The following PDE4B variants were observed in gnomAD, a reference collection of about 807,000 sequenced individuals.
PDE4B encodes phosphodiesterase 4B.
In PDE4B, 20 loss-of-function variants were observed where a neutral mutation model predicts 82.2. The observed-to-expected ratio is 0.24, with a 90% CI of 0.17 to 0.35. The LOEUF (loss-of-function observed/expected upper bound fraction) is 0.35, where lower values mean the gene tolerates loss of function less well. Among genes scored for constraint, PDE4B ranks in the 10% least tolerant of loss-of-function variants. The probability of loss-of-function intolerance (pLI) is 1.00; values close to 1 mark genes in which losing one functional copy is unlikely to be tolerated. For synonymous variants in PDE4B, 320 were observed against 318.9 expected (o/e 1.00, Z -0.04); for missense variants, 655 against 907.2 (o/e 0.72, Z 3.57).
intron 3 of PDE4B, among the ~76,000 whole-genome samples, chr1:66,034,263 G>T (rs1570042386): frequency 6.6e-6 from 1 of 152,028 alleles, no homozygotes; most frequent in Non-Finnish European, 1.5e-5. Flanking sequence ...ATTTAATAAA[G>T]ATTTACAACT....
intron 1 of PDE4B, among the ~76,000 whole-genome samples, chr1:65,847,339 C>T (rs1646278732): frequency 6.6e-6 from 1 of 152,126 alleles, no homozygotes; most frequent in African/African-American, 2.4e-5. Flanking sequence ...AAAGGTGGAG[C>T]CAGGATATTG....
chr1:65,931,047 C>T (rs1248898865), intron 3 of PDE4B, among the ~76,000 whole-genome samples: 2 of 152,138 alleles, frequency 1.3e-5, no homozygotes, highest in Non-Finnish European at 2.9e-5. Context: ...GGCTTAGCAC[C>T]ATCCCCTCAG....
chr1:66,289,981 G>A (rs139434403), intron 7 of PDE4B, among the ~76,000 whole-genome samples: 1 of 152,144 alleles, frequency 6.6e-6, no homozygotes, highest in African/African-American at 2.4e-5. Context: ...TGAAATCCAG[G>A]CTTCTGGCTT....
intron 3 of PDE4B, among the ~76,000 whole-genome samples, chr1:66,088,344 T>C (rs1032380344): frequency 1.3e-5 from 2 of 152,018 alleles, no homozygotes; most frequent in African/African-American, 2.4e-5. Flanking sequence ...AGTATCCAAC[T>C]GGAGATGTTT....
At chr1:65,954,406 G>A (rs1649153861) in intron 3 of PDE4B, among the ~76,000 whole-genome samples, 1 of 151,960 alleles carries the variant, frequency 6.6e-6, no homozygotes, top group Non-Finnish European at 1.5e-5. Context: ...CAACCTAATT[G>A]TCATTAAAAC....
intron 1 of PDE4B, among the ~76,000 whole-genome samples, chr1:65,895,465 G>T (rs1210469419): frequency 6.7e-6 from 1 of 148,904 alleles, no homozygotes; most frequent in Non-Finnish European, 1.5e-5. Flanking sequence ...CAGGAGAATC[G>T]CTTGAACCCG....
chr1:65,885,456 C>G (rs1412527880), intron 1 of PDE4B, among the ~76,000 whole-genome samples: 3 of 152,060 alleles, frequency 2.0e-5, no homozygotes, highest in African/African-American at 7.2e-5. Flanking sequence ...GACTTGGAAC[C>G]AACCCAAATT....
intron 3 of PDE4B, among the ~76,000 whole-genome samples, chr1:65,923,469 A>G (rs567563752): frequency 5.9e-5 from 9 of 152,146 alleles, no homozygotes; most frequent in Non-Finnish European, 1.3e-4. Context: ...ATATCTTACC[A>G]CACAATACAT....
At position 65,919,170 on chromosome 1, in the gene PDE4B, A is replaced by G. The variant is rs144651087; in HGVS notation, c.281+335A>G. Among the ~76,000 whole-genome samples, 804 of 152,344 alleles carry G rather than the reference A, an allele frequency of 5.3e-3. 2 individuals are homozygous for G. Among genetic ancestry groups the G allele is most frequent in the Non-Finnish European group, 8.7e-3 (590 of 68,026 alleles). The stretch of plus-strand genomic sequence containing the variant: ...TGTGCATCAGTATTTTTTGACTTAG[A>G]AAAACAAATTACATGTTACTATATG... On this transcript the variant is annotated intron_variant, in intron 3 of 16. Transcript: ENST00000341517.
chr1:66,277,580 G>A (rs1214074570), intron 7 of PDE4B, among the ~76,000 whole-genome samples: 1 of 152,074 alleles, frequency 6.6e-6, no homozygotes, highest in African/African-American at 2.4e-5. Context: ...ATTTTTAGTA[G>A]AGATGGGGTT....
chr1:66,090,723 GTATATGTATGTATATATACATA>G (rs897562897), intron 3 of PDE4B, among the ~76,000 whole-genome samples: 3 of 83,500 alleles, frequency 3.6e-5, no homozygotes, highest in Admixed American at 1.2e-4. Context: ...GTGTGTATAT[GTATATGTATGTATATATACATA>G]TATATGTATG....
At chr1:66,083,826 C>T (rs949877551) in intron 3 of PDE4B, among the ~76,000 whole-genome samples, 1 of 152,140 alleles carries the variant, frequency 6.6e-6, no homozygotes. Context: ...AAATGCTAAC[C>T]ATCAATATCA....
intron 3 of PDE4B, among the ~76,000 whole-genome samples, chr1:66,019,836 C>G (rs190559996): frequency 5.3e-5 from 8 of 152,278 alleles, no homozygotes; most frequent in Middle Eastern, 6.8e-3. Flanking sequence ...CTGTTCAGAT[C>G]CAGTTTGAGG....
At chr1:66,203,057 T>C (rs1171667741) in intron 3 of PDE4B, among the ~76,000 whole-genome samples, 2 of 149,758 alleles carry the variant, frequency 1.3e-5, no homozygotes, top group African/African-American at 4.9e-5. Context: ...TGACAAAATC[T>C]CTCAGCATTT....
intron 7 of PDE4B, among the ~76,000 whole-genome samples, chr1:66,288,610 A>G (rs1570630548): frequency 6.6e-6 from 1 of 152,160 alleles, no homozygotes. Context: ...CTGGCTTACT[A>G]TAAATACACA....
At chr1:66,316,863 T>C (rs1659062253) in intron 7 of PDE4B, among the ~76,000 whole-genome samples, 1 of 152,188 alleles carries the variant, frequency 6.6e-6, no homozygotes, top group African/African-American at 2.4e-5. Context: ...ATTTTGTTTT[T>C]CTAAAGTCTG....
intron 1 of PDE4B, among the ~76,000 whole-genome samples, chr1:65,835,380 A>G (rs1646128781): frequency 6.6e-6 from 1 of 152,150 alleles, no homozygotes; most frequent in African/African-American, 2.4e-5. Flanking sequence ...TGTGGTGTTC[A>G]TCGTAAGTGT....
intron 3 of PDE4B, among the ~76,000 whole-genome samples, chr1:66,157,597 C>T (rs1646526169): frequency 6.6e-6 from 1 of 152,198 alleles, no homozygotes; most frequent in Non-Finnish European, 1.5e-5. Flanking sequence ...AAGGTAATCT[C>T]TCTTCCTCAT....
intron 3 of PDE4B, among the ~76,000 whole-genome samples, chr1:65,924,175 C>T (rs963881013): frequency 2.2e-5 from 3 of 134,776 alleles, no homozygotes; most frequent in Admixed American, 7.7e-5. Flanking sequence ...CCCGGGTTCA[C>T]GCCATTCTCC....
Sources: gnomAD v4.1 joint callset for allele counts (sites outside exome capture counted in the v4.1 genomes callset) on GRCh38, gnomAD v4.1.1 for gene constraint, MANE v1.5 for transcripts, NCBI Gene and HGNC (gene_info 2026-07-23, HGNC 2026-07-21) for gene names.